SLC3A1: variants seen among roughly 807,000 people sequenced by gnomAD.
SLC3A1 encodes amino acid transporter heavy chain SLC3A1.
SLC3A1 carries 78 observed loss-of-function variants against 60.3 expected under a neutral mutation model. That is an observed-to-expected ratio of 1.29 (90% confidence interval 1.08 to 1.56). The LOEUF is 1.56. Among genes scored for constraint, SLC3A1 ranks in the 40% most tolerant of loss-of-function variants. SLC3A1 has a pLI of 0.00. For synonymous variants in SLC3A1, 392 were observed against 307.9 expected (o/e 1.27, Z -2.86); for missense variants, 1,172 against 858.9 (o/e 1.36, Z -4.56).
intron 9 of SLC3A1, among the ~76,000 whole-genome samples, chr2:44,315,675 A>AAAAAT (rs1553347695): frequency 2.7e-5 from 4 of 150,346 alleles, no homozygotes; most frequent in African/African-American, 9.8e-5. Flanking sequence ...AAAAAAAAAA[A>AAAAAT]GCAGAGAATA....
At position 44,321,275 on chromosome 2, in the gene SLC3A1, AT is replaced by A. The variant is rs371223439; in HGVS notation, c.*646del. ...ATAACTTAAAAGTCTCAAGTTATTAATTTTTTTTTTGCTAACTCAATTGGAA... is the reference window on the plus strand; with the variant it reads ...ATAACTTAAAAGTCTCAAGTTATTAATTTTTTTTTGCTAACTCAATTGGAA... On this transcript the variant is annotated 3_prime_UTR_variant, in exon 10 of 10. Coordinates refer to ENST00000260649, the MANE Select transcript of SLC3A1 (RefSeq NM_000341.4). The A allele has an allele frequency of 0.027, 29,382 of 1,077,816 alleles. 333 individuals are homozygous for A. Among genetic ancestry groups the A allele is most frequent in the Non-Finnish European group, 0.032 (24,397 of 758,804 alleles). 66.8% of individuals were successfully genotyped at this position (1,077,816 alleles called of 1,614,324 possible). A position where few individuals can be genotyped will look rare whatever the true frequency, so the allele number is the denominator to read the frequency against.
At chr2:44,286,254 A>C in intron 4 of SLC3A1, 97 bp downstream of exon 4, 1 of 1,185,412 alleles carries the variant, frequency 8.4e-7, no homozygotes, top group South Asian at 1.2e-5. Flanking sequence ...AGGCAAAATC[A>C]AGTCTTTAAT....
chr2:44,286,456 C>T lies in SLC3A1; in HGVS notation c.891+299C>T, dbSNP rs192462066. On this transcript the variant is annotated intron_variant, in intron 4 of 9. Coordinates refer to ENST00000260649, the MANE Select transcript of SLC3A1 (RefSeq NM_000341.4). ...GGAAGGAGTCAGAAACACCTGCCACCCTAGCTCCAAGTTGCCCCGCCACCT... is the reference window on the plus strand; with the variant it reads ...GGAAGGAGTCAGAAACACCTGCCACTCTAGCTCCAAGTTGCCCCGCCACCT... 8.7e-4 allele frequency among the ~76,000 whole-genome samples: 133 copies of T among 152,312 alleles called. 1 individual carries two copies. The highest frequency in any genetic ancestry group is 3.2e-3 in the African/African-American group (131 of 41,562).
chr2:44,277,339 T>A (rs1443522044), intron 1 of SLC3A1, among the ~76,000 whole-genome samples: 1 of 152,074 alleles, frequency 6.6e-6, no homozygotes, highest in African/African-American at 2.4e-5. Context: ...ACTCCTGACC[T>A]CAGGTGATTT....
chr2:44,304,364 A>C (rs773809343), intron 7 of SLC3A1, 26 bp downstream of exon 7: 16 of 1,545,122 alleles, frequency 1.0e-5, no homozygotes, highest in Non-Finnish European at 1.3e-5. Flanking sequence ...AGCAGAGTAC[A>C]TAATGTGCTG....
rs992992728 is a variant in SLC3A1, at chr2:44,304,107, G to T, written c.1137-36G>T. 7.7e-6 allele frequency: 12 copies of T among 1,561,110 alleles called. No homozygotes were observed. The East Asian group carries it at 2.7e-4, about 35-fold the overall frequency. On this transcript the variant is annotated intron_variant, in intron 6 of 9. Coordinates refer to ENST00000260649, the MANE Select transcript of SLC3A1 (RefSeq NM_000341.4). ...GGAGTGCCTTCCCAGTCTTCTGACA[G>T]GCCCCGATGACACTGAACCTTGTCA... is the stretch of plus-strand genomic sequence containing the variant.
intron 8 of SLC3A1, 140 bp from the exon 9 acceptor site, chr2:44,313,695 C>CT (rs1672354399): frequency 1.3e-6 from 1 of 775,222 alleles, no homozygotes; most frequent in African/African-American, 1.7e-5. Context: ...AAGTTGAGGC[C>CT]TTTTCATCAC....
intron 3 of SLC3A1, among the ~76,000 whole-genome samples, chr2:44,282,385 C>T (rs1273333640): frequency 6.6e-6 from 1 of 152,072 alleles, no homozygotes; most frequent in African/African-American, 2.4e-5. Context: ...TCATTTCAAA[C>T]ATCGTATCTG....
At chr2:44,302,256 G>C (rs1672031431) in intron 6 of SLC3A1, among the ~76,000 whole-genome samples, 1 of 152,150 alleles carries the variant, frequency 6.6e-6, no homozygotes, top group South Asian at 2.1e-4. Context: ...ATAAGTCTCA[G>C]TTGTCTCATC....
chr2:44,300,240 G>C, intron 5 of SLC3A1, 150 bp downstream of exon 5: 1 of 847,554 alleles, frequency 1.2e-6, no homozygotes, highest in African/African-American at 1.7e-5. Context: ...AAATGTGCAA[G>C]AGTTTGAAAT....
chr2:44,315,790 G>GA (rs1249445678), intron 9 of SLC3A1, among the ~76,000 whole-genome samples: 14 of 150,578 alleles, frequency 9.3e-5, no homozygotes, highest in South Asian at 2.1e-4. Context: ...TTTCCCTAAG[G>GA]AAAAAAAAAT....
Position 44,312,521 on chromosome 2 carries a change from A to C in SLC3A1, c.1333-65A>C. The C allele has an allele frequency of 1.7e-5, 26 of 1,560,266 alleles. No homozygotes were observed. In the South Asian group the frequency reaches 2.3e-4, roughly 14 times the overall value. ...TTTGCTACGTTGTGAACTTTCTGTGAAATAGGGTAAATCTTTCAGAAAACT... is the reference window on the plus strand; with the variant it reads ...TTTGCTACGTTGTGAACTTTCTGTGCAATAGGGTAAATCTTTCAGAAAACT... On this transcript the variant is annotated intron_variant, in intron 7 of 9. Coordinates refer to ENST00000260649, the MANE Select transcript of SLC3A1 (RefSeq NM_000341.4).
chr2:44,315,734 A>C (rs1164535652), intron 9 of SLC3A1, among the ~76,000 whole-genome samples: 3 of 151,810 alleles, frequency 2.0e-5, no homozygotes, highest in Non-Finnish European at 2.9e-5. Context: ...TAACAGAGAC[A>C]GCACTGTAGG....
At chr2:44,294,738 A>G (rs1364062933) in intron 4 of SLC3A1, among the ~76,000 whole-genome samples, 1 of 151,950 alleles carries the variant, frequency 6.6e-6, no homozygotes, top group Non-Finnish European at 1.5e-5. Flanking sequence ...TTAGCAAAGA[A>G]TTTTTCCAAG....
At position 44,275,857 on chromosome 2, in the gene SLC3A1, A is replaced by C. The variant is rs138597262; in HGVS notation, c.322A>C (p.Ile108Leu). 6.2e-7 allele frequency: 1 copy of C among 1,614,214 alleles called. No homozygotes were observed. The highest frequency in any genetic ancestry group is 1.7e-5 in the Admixed American group (1 of 60,028). Residue 108 changes from isoleucine to leucine, a missense_variant, in exon 1 of 10, where the codon ATT becomes CTT. Ile to Leu is a conservative substitution (Grantham distance 5). Transcript: ENST00000260649. ...GCTCATCGCGGCCACCATAGCCATC[A>C]TTGCCCTCTCTCCAAAGTGCCTAGA... ...LVLIAATIAI[I>L]ALSPKCLDWW...
chr2:44,286,026 T>A lies in SLC3A1; in HGVS notation c.766-6T>A. 6.2e-7 allele frequency: 1 copy of A among 1,614,198 alleles called. No individual in the cohort carries two copies. The highest frequency in any genetic ancestry group is 8.5e-7 in the Non-Finnish European group (1 of 1,180,012). ...TCACTGATGTGCTGTTTTCTTTGTT[T>A]GCCAGTTAAGTGTGTATGGAAACTC... On this transcript the variant is annotated splice_polypyrimidine_tract_variant and splice_region_variant and intron_variant, in intron 3 of 9. Transcript: ENST00000260649.
intron 6 of SLC3A1, among the ~76,000 whole-genome samples, chr2:44,303,648 G>T (rs1165204922): frequency 1.3e-5 from 2 of 151,938 alleles, no homozygotes; most frequent in African/African-American, 2.4e-5. Flanking sequence ...TGTTACATAG[G>T]TATACATGTG....
chr2:44,284,946 A>C (rs1170471776), intron 3 of SLC3A1: 1 of 152,178 alleles, frequency 6.6e-6, no homozygotes, highest in South Asian at 2.1e-4. Flanking sequence ...TTCCTAATAC[A>C]GTAATTATCT....
rs1232724382 is a variant in SLC3A1 at position 44,320,360 on chromosome 2, T to C, written c.1779T>C (p.Phe593=). The C allele has an allele frequency of 6.2e-7, 1 of 1,614,144 alleles. No individual in the cohort carries two copies. The highest frequency in any genetic ancestry group is 1.1e-5 in the South Asian group (1 of 91,086). ...TRELDGIDRI[F]IVVLNFGEST... ...AGCTGGATGGCATCGACAGAATCTT[T>C]ATCGTGGTTCTGAATTTTGGAGAAT... Residue 593 remains phenylalanine (F), a synonymous_variant, in exon 10 of 10, where the codon TTT becomes TTC. Coordinates refer to ENST00000260649, the MANE Select transcript of SLC3A1 (RefSeq NM_000341.4).
Sources: gnomAD v4.1 joint callset for allele counts (sites outside exome capture counted in the v4.1 genomes callset) on GRCh38, gnomAD v4.1.1 for gene constraint, MANE v1.5 for transcripts, NCBI Gene and HGNC (gene_info 2026-07-23, HGNC 2026-07-21) for gene names.